The following WWP2 variants were observed in gnomAD, a reference collection of about 807,000 sequenced individuals.
The protein encoded by WWP2 is NEDD4-like E3 ubiquitin-protein ligase WWP2.
WWP2 carries 57 observed loss-of-function variants against 121.0 expected under a neutral mutation model. That is an observed-to-expected ratio of 0.47 (90% CI 0.38 to 0.59). The LOEUF is 0.59. Among genes scored for constraint, WWP2 ranks in the 20% least tolerant of loss-of-function variants. The probability of loss-of-function intolerance (pLI) is 0.00; values close to 1 mark genes in which losing one functional copy is unlikely to be tolerated. For missense variants in WWP2, 962 were observed against 1,158.9 expected, an observed-to-expected ratio of 0.83 and a Z score of 2.47; for synonymous variants, 449 against 441.3, an observed-to-expected ratio of 1.02 and a Z score of -0.22.
chr16:69,906,284 G>T (rs2058291183), intron 8 of WWP2, among the ~76,000 whole-genome samples: 1 of 152,052 alleles, frequency 6.6e-6, no homozygotes, highest in African/African-American at 2.4e-5. Flanking sequence ...GTGTTAGCCA[G>T]GATGATCTTG....
chr16:69,894,961 CA>C (rs1330075416), intron 8 of WWP2: 2 of 152,222 alleles, frequency 1.3e-5, no homozygotes, highest in African/African-American at 4.8e-5. Context: ...TGCCATTTCA[CA>C]CCATGCTTTT....
chr16:69,789,078 G>A (rs775925383), intron 2 of WWP2, among the ~76,000 whole-genome samples: 5 of 151,870 alleles, frequency 3.3e-5, no homozygotes, highest in East Asian at 1.9e-4. Flanking sequence ...TATATTTTGC[G>A]ACAGAGTCTC....
intron 6 of WWP2, among the ~76,000 whole-genome samples, chr16:69,858,617 A>G (rs2057362476): frequency 6.6e-6 from 1 of 151,580 alleles, no homozygotes; most frequent in Non-Finnish European, 1.5e-5. Flanking sequence ...TTTTTTCTTC[A>G]TGATTGATAT....
chr16:69,810,816 A>C (rs920781117), intron 4 of WWP2, among the ~76,000 whole-genome samples: 2 of 149,382 alleles, frequency 1.3e-5, no homozygotes, highest in African/African-American at 5.0e-5. Flanking sequence ...GTGCAGTGGC[A>C]CAATCTCCGC....
At chr16:69,801,182 TA>T (rs376524877) in intron 4 of WWP2, among the ~76,000 whole-genome samples, 7,564 of 122,502 alleles carry the variant, frequency 0.062, 687 homozygotes, top group African/African-American at 0.21. Flanking sequence ...GAGCAAGTCT[TA>T]AAAAAAAAAA....
chr16:69,765,445 T>C (rs1195607097), intron 1 of WWP2, among the ~76,000 whole-genome samples: 1 of 152,172 alleles, frequency 6.6e-6, no homozygotes, highest in Non-Finnish European at 1.5e-5. Flanking sequence ...ATCTTCAATT[T>C]TATTAGAGAA....
At chr16:69,854,436 G>T (rs1041914195) in intron 6 of WWP2, among the ~76,000 whole-genome samples, 2 of 152,082 alleles carry the variant, frequency 1.3e-5, no homozygotes, top group Non-Finnish European at 2.9e-5. Context: ...CTGTGGAGGT[G>T]GTGATTTGGG....
intron 2 of WWP2, among the ~76,000 whole-genome samples, chr16:69,797,321 G>T (rs2056068165): frequency 6.6e-6 from 1 of 152,176 alleles, no homozygotes; most frequent in Non-Finnish European, 1.5e-5. Flanking sequence ...AACAGCAATA[G>T]AACAAATAAG....
chr16:69,859,408 A>T (rs1185942741), intron 6 of WWP2, among the ~76,000 whole-genome samples: 2 of 152,072 alleles, frequency 1.3e-5, no homozygotes, highest in Non-Finnish European at 2.9e-5. Flanking sequence ...TACAGAAATT[A>T]GCTAGGCATG....
intron 2 of WWP2, among the ~76,000 whole-genome samples, chr16:69,795,257 G>GTT (rs2056005211): frequency 1.8e-5 from 1 of 56,514 alleles, no homozygotes; most frequent in African/African-American, 7.9e-5. Flanking sequence ...AAAAAATGCG[G>GTT]ATACACACAC....
At chr16:69,880,465 C>G (rs936202719) in intron 7 of WWP2, among the ~76,000 whole-genome samples, 2 of 152,120 alleles carry the variant, frequency 1.3e-5, no homozygotes. Flanking sequence ...AAACAAATTT[C>G]AGACTTTGAA....
chr16:69,922,185 T>C (rs748159090), intron 10 of WWP2, among the ~76,000 whole-genome samples: 5 of 151,924 alleles, frequency 3.3e-5, no homozygotes, highest in Non-Finnish European at 7.4e-5. Flanking sequence ...TACTCTGCAA[T>C]GAGCCCCTTG....
chr16:69,861,347 C>G (rs1597070869), intron 6 of WWP2, among the ~76,000 whole-genome samples: 1 of 152,336 alleles, frequency 6.6e-6, no homozygotes, highest in Non-Finnish European at 1.5e-5. Flanking sequence ...TCACCATTTA[C>G]TATACCTTCT....
intron 4 of WWP2, among the ~76,000 whole-genome samples, chr16:69,833,373 G>T (rs2056824495): frequency 1.3e-5 from 2 of 152,208 alleles, no homozygotes; most frequent in African/African-American, 2.4e-5. Flanking sequence ...TCCCTCATGG[G>T]CAGATCTAGA....
At chr16:69,856,852 T>G (rs1362588693) in intron 6 of WWP2, among the ~76,000 whole-genome samples, 1 of 152,092 alleles carries the variant, frequency 6.6e-6, no homozygotes, top group Non-Finnish European at 1.5e-5. Flanking sequence ...TATCCCAGCT[T>G]CCTTTTGTTT....
chr16:69,845,431 G>C (rs2057054166), intron 6 of WWP2, among the ~76,000 whole-genome samples: 1 of 152,214 alleles, frequency 6.6e-6, no homozygotes, highest in African/African-American at 2.4e-5. Context: ...GGGGCAGAGA[G>C]AATGATGGGC....
chr16:69,837,991 G>A (rs925016795), intron 4 of WWP2, among the ~76,000 whole-genome samples: 3 of 152,152 alleles, frequency 2.0e-5, no homozygotes, highest in African/African-American at 7.2e-5. Context: ...GGGAGGCCAA[G>A]GTGGGAGGAT....
chr16:69,908,412 A>T (rs1954870775), intron 8 of WWP2, among the ~76,000 whole-genome samples: 1 of 152,240 alleles, frequency 6.6e-6, no homozygotes, highest in African/African-American at 2.4e-5. Flanking sequence ...CTCAGCTTTC[A>T]TCATGTTCCT....
chr16:69,814,902 G>A (rs2056460668), intron 4 of WWP2, among the ~76,000 whole-genome samples: 1 of 152,116 alleles, frequency 6.6e-6, no homozygotes, highest in African/African-American at 2.4e-5. Context: ...TGGAACTTGA[G>A]TCAGTGGGAG....
Sources: allele counts gnomAD v4.1 joint callset (sites outside exome capture counted in the v4.1 genomes callset), GRCh38; gene constraint gnomAD v4.1.1; transcripts MANE v1.5; gene names NCBI Gene and HGNC (gene_info 2026-07-23, HGNC 2026-07-21).